The following MCTP1 variants were observed in gnomAD, a reference collection of about 807,000 sequenced individuals.
MCTP1 encodes multiple C2 and transmembrane domain-containing protein 1.
Under a neutral mutation model 120.6 loss-of-function variants are expected in MCTP1, and 69 were observed. The observed-to-expected ratio is 0.57, with a 90% CI of 0.47 to 0.70. The LOEUF (loss-of-function observed/expected upper bound fraction) is 0.70. Ranked by LOEUF, MCTP1 falls within the 30% of genes least tolerant of loss-of-function variation. The pLI is 0.00. For synonymous variants in MCTP1, 529 were observed against 493.1 expected (o/e 1.07, Z -0.96); for missense variants, 1,203 against 1,248.8 (o/e 0.96, Z 0.55).
intron 1 of MCTP1, among the ~76,000 whole-genome samples, chr5:95,264,334 A>C (rs184266552): frequency 1.3e-5 from 2 of 152,320 alleles, no homozygotes; most frequent in East Asian, 3.9e-4. Context: ...AAATACTAAA[A>C]TCCATTCAGG....
intron 2 of MCTP1, among the ~76,000 whole-genome samples, chr5:94,991,877 C>CA (rs11389362): frequency 0.74 from 111,809 of 150,486 alleles, 42,276 homozygotes; most frequent in Admixed American, 0.84. Flanking sequence ...AACTCCATCT[C>CA]AAAAAAAAAT....
chr5:95,199,285 T>C (rs1280017095), intron 1 of MCTP1, among the ~76,000 whole-genome samples: 1 of 152,162 alleles, frequency 6.6e-6, no homozygotes, highest in Non-Finnish European at 1.5e-5. Context: ...CAACATTTCT[T>C]AATAAAAGTT....
Position 95,014,017 on chromosome 5 carries a change from T to C in MCTP1, c.838+3350A>G, listed in dbSNP as rs566077533. On this transcript the variant is annotated intron_variant, in intron 2 of 22. Transcript: ENST00000515393. ...GTCTCATGCTTGTATCCTCAGCAAC[T>C]TGGGAGTCCAAAGGGGGAAGATCAC... Among the ~76,000 whole-genome samples the C allele has an allele frequency of 7.9e-4, 120 of 151,958 alleles. 1 individual carries two copies. The highest frequency in any genetic ancestry group is 2.7e-3 in the African/African-American group (110 of 41,480).
Position 95,284,543 on chromosome 5 carries a change from T to A in MCTP1, c.33A>T (p.Pro11=). MEPRAAAAGE[P]EPPAASSSFQ... ...AGGAGGAGGACGCCGCCGGCGGCTC[T>A]GGCTCGCCCGCCGCGGCAGCCCGGG... The change falls in exon 1 of 23, where the codon CCA becomes CCT. Residue 11 remains proline (P), a synonymous_variant. Transcript: ENST00000515393. The surrounding 1 kb of genome is among the most constrained non-coding windows in gnomAD (Gnocchi z 5.2). 1 of 1,464,136 alleles carries A rather than the reference T, an allele frequency of 6.8e-7. No individual in the cohort carries two copies. Among genetic ancestry groups the A allele is most frequent in the Non-Finnish European group, 8.9e-7 (1 of 1,119,340 alleles). 90.7% of individuals were successfully genotyped at this position (1,464,136 alleles called of 1,614,324 possible).
chr5:94,981,858 C>A (rs1000894685), intron 2 of MCTP1, among the ~76,000 whole-genome samples: 8 of 152,096 alleles, frequency 5.3e-5, no homozygotes, highest in Middle Eastern at 3.2e-3. Context: ...AGTGGGGCAA[C>A]AGATCATGTG....
chr5:95,066,326 A>G (rs557243447), intron 1 of MCTP1, among the ~76,000 whole-genome samples: 2 of 152,334 alleles, frequency 1.3e-5, no homozygotes, highest in South Asian at 4.1e-4. Flanking sequence ...TAGAATGGCT[A>G]TTACCAAAAA....
chr5:95,279,670 A>G (rs1426878880), intron 1 of MCTP1, among the ~76,000 whole-genome samples: 1 of 152,222 alleles, frequency 6.6e-6, no homozygotes, highest in Non-Finnish European at 1.5e-5. Flanking sequence ...TAACACTTCC[A>G]TTTATGCAAG....
At chr5:94,949,729 T>C (rs1028707220) in intron 3 of MCTP1, among the ~76,000 whole-genome samples, 1 of 151,794 alleles carries the variant, frequency 6.6e-6, no homozygotes, top group African/African-American at 2.4e-5. Flanking sequence ...GATAGGAGGG[T>C]CGTATACTTA....
chr5:95,072,838 C>T (rs1396777291), intron 1 of MCTP1, among the ~76,000 whole-genome samples: 2 of 150,632 alleles, frequency 1.3e-5, no homozygotes, highest in African/African-American at 2.4e-5. Context: ...CTCTGCCTCC[C>T]GGGTTCACGC....
chr5:94,790,209 C>T (rs1022380630), intron 18 of MCTP1, among the ~76,000 whole-genome samples: 1 of 152,194 alleles, frequency 6.6e-6, no homozygotes, highest in East Asian at 1.9e-4. Flanking sequence ...GTCAGTCAGA[C>T]GAGACACATT....
At chr5:95,169,029 TG>T (rs1746841060) in intron 1 of MCTP1, among the ~76,000 whole-genome samples, 1 of 152,170 alleles carries the variant, frequency 6.6e-6, no homozygotes, top group Non-Finnish European at 1.5e-5. Context: ...ATATTGGCTG[TG>T]GGTTTGTCAT....
At chr5:95,197,311 T>C (rs1184298354) in intron 1 of MCTP1, among the ~76,000 whole-genome samples, 1 of 152,202 alleles carries the variant, frequency 6.6e-6, no homozygotes, top group Non-Finnish European at 1.5e-5. Flanking sequence ...TTTAGAAGTA[T>C]CTAAGAAAAC....
At chr5:94,855,822 TAAC>T (rs1215255307) in intron 17 of MCTP1, among the ~76,000 whole-genome samples, 2 of 151,832 alleles carry the variant, frequency 1.3e-5, no homozygotes, top group Admixed American at 1.3e-4. Context: ...TGAATCTCAA[TAAC>T]GTTTCTCTGA....
chr5:95,019,220 T>C (rs1358769759), intron 1 of MCTP1, among the ~76,000 whole-genome samples: 1 of 152,112 alleles, frequency 6.6e-6, no homozygotes, highest in Non-Finnish European at 1.5e-5. Context: ...TGTACATTGA[T>C]TACCACAATC....
intron 1 of MCTP1, among the ~76,000 whole-genome samples, chr5:95,223,381 G>A (rs1340892298): frequency 1.3e-5 from 2 of 152,146 alleles, no homozygotes; most frequent in African/African-American, 2.4e-5. Context: ...GAACCGGGAA[G>A]TCGAGGCTGC....
At chr5:95,035,751 T>C (rs541600701) in intron 1 of MCTP1, among the ~76,000 whole-genome samples, 6 of 152,200 alleles carry the variant, frequency 3.9e-5, no homozygotes, top group African/African-American at 1.2e-4. Flanking sequence ...TGTGAAAATT[T>C]AAAGAAATAA....
At chr5:95,247,739 C>T (rs456948) in intron 1 of MCTP1, among the ~76,000 whole-genome samples, 20,216 of 152,194 alleles carry the variant, frequency 0.13, 1,560 homozygotes, top group Non-Finnish European at 0.18. Flanking sequence ...AATTTGATTG[C>T]ACTGTGGTGT....
chr5:94,834,392 C>G (rs1056056082), intron 17 of MCTP1, among the ~76,000 whole-genome samples: 4 of 152,150 alleles, frequency 2.6e-5, no homozygotes, highest in African/African-American at 7.2e-5. Context: ...TCTAGAATAT[C>G]AAGACACATA....
chr5:95,159,735 T>G (rs1428964776), intron 1 of MCTP1, among the ~76,000 whole-genome samples: 1 of 152,114 alleles, frequency 6.6e-6, no homozygotes, highest in African/African-American at 2.4e-5. Flanking sequence ...GAGAGTCATT[T>G]CTCTGGAAGA....
Sources: allele counts gnomAD v4.1 joint callset (sites outside exome capture counted in the v4.1 genomes callset), GRCh38; gene constraint gnomAD v4.1.1; non-coding constraint Gnocchi (gnomAD v3.1); transcripts MANE v1.5; gene names NCBI Gene and HGNC (gene_info 2026-07-23, HGNC 2026-07-21).